The following AKAP13 variants were observed in gnomAD, a reference collection of about 807,000 sequenced individuals.
AKAP13 encodes A-kinase anchor protein 13.
In AKAP13, 80 loss-of-function variants were observed where a neutral mutation model predicts 264.5. The observed-to-expected ratio is 0.30, with a 90% CI of 0.25 to 0.36. The LOEUF (loss-of-function observed/expected upper bound fraction) is 0.36, where lower values mean the gene tolerates loss of function less well. Ranked by LOEUF, AKAP13 falls within the 10% of genes least tolerant of loss-of-function variation. AKAP13 has a pLI of 1.00. For synonymous variants in AKAP13, 1,380 were observed against 1,250.2 expected (o/e 1.10, Z -2.19); for missense variants, 3,712 against 3,435.2 (o/e 1.08, Z -2.01).
chr15:85,449,717 CATTG>C (rs2074017813), intron 1 of AKAP13, among the ~76,000 whole-genome samples: 2 of 152,148 alleles, frequency 1.3e-5, no homozygotes, highest in Non-Finnish European at 2.9e-5. Flanking sequence ...TGATGAATCA[CATTG>C]ATTGATTTTT....
intron 1 of AKAP13, among the ~76,000 whole-genome samples, chr15:85,464,718 G>A (rs916315901): frequency 3.9e-5 from 6 of 152,130 alleles, no homozygotes; most frequent in African/African-American, 1.4e-4. Context: ...TTAACCTCAG[G>A]CAGTCTGATA....
intron 1 of AKAP13, among the ~76,000 whole-genome samples, chr15:85,427,124 T>G (rs2072823884): frequency 6.6e-6 from 1 of 151,484 alleles, no homozygotes; most frequent in African/African-American, 2.4e-5. Context: ...CCCGGCTAAT[T>G]TTTTGTATTT....
intron 15 of AKAP13, chr15:85,683,751 G>A (rs976859044): frequency 1.3e-5 from 2 of 152,244 alleles, no homozygotes; most frequent in African/African-American, 4.8e-5. Flanking sequence ...TTACAGGTGT[G>A]AGCACCGCAC....
At chr15:85,646,060 T>G (rs2082546243) in intron 10 of AKAP13, 106 bp downstream of exon 10, 3 of 1,394,738 alleles carry the variant, frequency 2.2e-6, no homozygotes, top group Admixed American at 4.3e-5. Flanking sequence ...CTCTCCTGTT[T>G]CCCTAAATAT....
intron 1 of AKAP13, among the ~76,000 whole-genome samples, chr15:85,419,180 G>C (rs1442949468): frequency 6.6e-6 from 1 of 152,148 alleles, no homozygotes; most frequent in East Asian, 1.9e-4. Flanking sequence ...ATCATCATAG[G>C]ATTTGTAAAA....
Position 85,708,587 on chromosome 15 carries a change from A to G in AKAP13, c.5532+501A>G, listed in dbSNP as rs1891910710. ...CTCTGATCACATGACGTAAGAATAG[A>G]AAGTGCCTGTTTTATGGTGGTATCT... On this transcript the variant is annotated intron_variant, in intron 18 of 36. Transcript: ENST00000394518. This position sits in a 1 kb window ranked among gnomAD's most constrained non-coding sequence, Gnocchi z 4.3. Among the ~76,000 whole-genome samples, 1 of 152,140 alleles carries G rather than the reference A, an allele frequency of 6.6e-6. No individual in the cohort carries two copies.
intron 1 of AKAP13, among the ~76,000 whole-genome samples, chr15:85,438,574 A>C (rs2073447195): frequency 6.9e-6 from 1 of 145,968 alleles, no homozygotes; most frequent in African/African-American, 2.6e-5. Context: ...ACTATACTAC[A>C]AGGCTACAGT....
intron 14 of AKAP13, among the ~76,000 whole-genome samples, chr15:85,678,973 C>T (rs1193120085): frequency 6.6e-6 from 1 of 152,008 alleles, no homozygotes; most frequent in East Asian, 1.9e-4. Flanking sequence ...GGCACAGTGG[C>T]TCATGCCTGT....
intron 1 of AKAP13, among the ~76,000 whole-genome samples, chr15:85,468,101 T>C (rs775217936): frequency 1.8e-4 from 27 of 152,354 alleles, no homozygotes; most frequent in Admixed American, 4.6e-4. Flanking sequence ...TATAAGACTA[T>C]GTTGGAAAAG....
intron 8 of AKAP13, among the ~76,000 whole-genome samples, chr15:85,601,663 A>G (rs1432556156): frequency 3.0e-5 from 2 of 66,154 alleles, no homozygotes; most frequent in African/African-American, 1.1e-4. Flanking sequence ...TCTTCCAGCT[A>G]TTCTTGTATT....
intron 6 of AKAP13, among the ~76,000 whole-genome samples, chr15:85,577,336 G>A (rs1476141904): frequency 1.2e-5 from 1 of 84,942 alleles, no homozygotes; most frequent in Non-Finnish European, 2.7e-5. Flanking sequence ...AATGAATGGC[G>A]AGCAAACCAG....
rs566086904 is a variant in AKAP13 at position 85,427,965 on chromosome 15, A to G, written c.-12+47167A>G. Among the ~76,000 whole-genome samples, 245 of 152,318 alleles carry G rather than the reference A, an allele frequency of 1.6e-3. 1 individual carries two copies. The highest frequency in any genetic ancestry group is 5.5e-3 in the African/African-American group (227 of 41,582). ...CTGGATCACCAGTTTTCAGAGGAACATTGATGAACTGGAGCTTACTGTCCA... is the reference window on the plus strand; with the variant it reads ...CTGGATCACCAGTTTTCAGAGGAACGTTGATGAACTGGAGCTTACTGTCCA... On this transcript the variant is annotated intron_variant, in intron 1 of 36. Transcript: ENST00000394518.
chr15:85,399,726 A>G (rs905947060), intron 1 of AKAP13, among the ~76,000 whole-genome samples: 2 of 151,892 alleles, frequency 1.3e-5, no homozygotes, highest in Admixed American at 1.3e-4. Context: ...ATTAAAAGAC[A>G]GATGGAGGAA....
chr15:85,512,626 C>G (rs773345140), intron 2 of AKAP13, among the ~76,000 whole-genome samples: 1 of 152,002 alleles, frequency 6.6e-6, no homozygotes. Context: ...TTTTTAAAGG[C>G]AAGATTTAAA....
intron 8 of AKAP13, chr15:85,619,870 T>C (rs995177577): frequency 1.4e-5 from 19 of 1,398,568 alleles, no homozygotes; most frequent in South Asian, 8.2e-5. Context: ...TCTGAAGTTA[T>C]CAGCAAGTTC....
intron 5 of AKAP13, among the ~76,000 whole-genome samples, chr15:85,551,220 A>G (rs1445853869): frequency 6.6e-6 from 1 of 152,096 alleles, no homozygotes; most frequent in Non-Finnish European, 1.5e-5. Context: ...GACATTTTGT[A>G]TTTTTTAAAC....
chr15:85,738,319 G>A (rs2088691348), intron 33 of AKAP13, among the ~76,000 whole-genome samples: 1 of 151,790 alleles, frequency 6.6e-6, no homozygotes, highest in Non-Finnish European at 1.5e-5. Flanking sequence ...TTGAACCCAG[G>A]AGGTGGAGGT....
In AKAP13 at chr15:85,612,159, T is replaced by A. The variant is rs2080662067; in HGVS notation, c.4161+26336T>A. On this transcript the variant is annotated intron_variant, in intron 8 of 36. Coordinates refer to ENST00000394518, the MANE Select transcript of AKAP13 (RefSeq NM_007200.5). The stretch of plus-strand genomic sequence containing the variant: ...CACAGATTTTCCATGTGAAATTTCC[T>A]GGTTGTTGTTGAAATTGTTAGTTAC... Among the ~76,000 whole-genome samples, 3 of 152,372 alleles carry A rather than the reference T, an allele frequency of 2.0e-5. No individual in the cohort carries two copies. The South Asian group carries it at 6.2e-4, about 32-fold the overall frequency.
At chr15:85,437,492 C>A (rs2073367292) in intron 1 of AKAP13, among the ~76,000 whole-genome samples, 2 of 151,202 alleles carry the variant, frequency 1.3e-5, no homozygotes, top group Non-Finnish European at 3.0e-5. Context: ...CATTCTGATA[C>A]CAAAGCCGGG....
Sources: allele counts gnomAD v4.1 joint callset (sites outside exome capture counted in the v4.1 genomes callset), GRCh38; gene constraint gnomAD v4.1.1; non-coding constraint Gnocchi (gnomAD v3.1); transcripts MANE v1.5; gene names NCBI Gene and HGNC (gene_info 2026-07-23, HGNC 2026-07-21).